Variants in SIRT5 observed in about 807,000 individuals in gnomAD.
SIRT5 encodes the protein NAD-dependent protein deacylase sirtuin-5, mitochondrial.
SIRT5 carries 26 observed loss-of-function variants against 40.0 expected under a neutral mutation model. The ratio of observed to expected loss-of-function variants is 0.65; its 90% CI spans 0.48 to 0.90. The LOEUF is 0.90. Among genes scored for constraint, SIRT5 ranks in the 40% least tolerant of loss-of-function variants. The probability of loss-of-function intolerance (pLI) is 0.00; values close to 1 mark genes in which losing one functional copy is unlikely to be tolerated. For missense variants in SIRT5, 401 were observed against 402.4 expected, an observed-to-expected ratio of 1.00 and a Z score of 0.03; for synonymous variants, 146 against 149.1, an observed-to-expected ratio of 0.98 and a Z score of 0.15.
intron 4 of SIRT5, among the ~76,000 whole-genome samples, chr6:13,589,841 G>A (rs943160151): frequency 3.3e-5 from 5 of 152,176 alleles, no homozygotes; most frequent in Non-Finnish European, 5.9e-5. Context: ...GCTTAGTTGC[G>A]TCCGAAAAGG....
rs1476350307 is a variant in SIRT5, at chr6:13,600,941, C to T, written c.849C>T (p.Asn283=). ...EFNTETTPAT[N]RFRFHFQGPC... ...ACACGGAGACCACCCCAGCTACGAA[C>T]AGATTCAGGTACTGGGATACCCTGA... Residue 283 remains asparagine (N), a synonymous_variant, in exon 9 of 10, where the codon AAC becomes AAT. Transcript: ENST00000606117. The T allele has an allele frequency of 6.2e-7, 1 of 1,613,452 alleles. No individual in the cohort carries two copies. Among genetic ancestry groups the T allele is most frequent in the Admixed American group, 1.7e-5 (1 of 59,996 alleles).
At chr6:13,589,445 C>T (rs78677739) in intron 4 of SIRT5, 2,600 of 152,314 alleles carry the variant, frequency 0.017, 68 homozygotes, top group African/African-American at 0.057. Flanking sequence ...TTGTTTTATT[C>T]GTTGCATTGT....
At chr6:13,581,930 C>T (rs954160567) in intron 2 of SIRT5, among the ~76,000 whole-genome samples, 1 of 152,208 alleles carries the variant, frequency 6.6e-6, no homozygotes, top group African/African-American at 2.4e-5. Context: ...CCACTCACAG[C>T]TCTAGCCTCT....
intron 4 of SIRT5, 111 bp downstream of exon 4, chr6:13,588,575 A>G: frequency 7.8e-7 from 1 of 1,287,874 alleles, no homozygotes; most frequent in Non-Finnish European, 1.0e-6. Context: ...TTTTTAAGTG[A>G]ACTGTGACCC....
intron 5 of SIRT5, 62 bp from the exon 6 acceptor site, chr6:13,595,415 A>G: frequency 1.6e-6 from 2 of 1,237,454 alleles, no homozygotes; most frequent in Non-Finnish European, 2.4e-6. Context: ...ACCCTTTTAG[A>G]CATGGAGAAG....
rs191291847 is a variant in SIRT5 at position 13,596,947 on chromosome 6, A to G, written c.564-16A>G. ...TGCCAATAACAATCTTTCTTTTCTA[A>G]TATTATTTACTTCAGTGCTCCAGAA... On this transcript the variant is annotated splice_polypyrimidine_tract_variant and intron_variant, in intron 6 of 9. Coordinates refer to ENST00000606117, the MANE Select transcript of SIRT5 (RefSeq NM_012241.5). 3.8e-6 allele frequency: 6 copies of G among 1,591,070 alleles called. No homozygotes were observed. The highest frequency in any genetic ancestry group is 2.7e-5 in the African/African-American group (2 of 73,772).
rs201543969 is a variant in SIRT5 at position 13,588,471 on chromosome 6, A to G, written c.249+7A>G. On this transcript the variant is annotated splice_region_variant and intron_variant, in intron 4 of 9. Transcript: ENST00000606117. Reference sequence around the variant, plus strand: ...GAGAAAATGGCAAGCCCAGGTTTGTAAAGTTTCCAGAACATTAAAAGCCTC... The same window carrying G: ...GAGAAAATGGCAAGCCCAGGTTTGTGAAGTTTCCAGAACATTAAAAGCCTC... The G allele has an allele frequency of 5.0e-6, 8 of 1,612,732 alleles. No individual in the cohort carries two copies. Among genetic ancestry groups the G allele is most frequent in the Middle Eastern group, 1.7e-4 (1 of 6,058 alleles).
intron 9 of SIRT5, among the ~76,000 whole-genome samples, chr6:13,609,676 C>T (rs1490387947): frequency 6.6e-6 from 1 of 152,158 alleles, no homozygotes; most frequent in Non-Finnish European, 1.5e-5. Flanking sequence ...TTTCAAATAG[C>T]AATGTTTCCA....
intron 3 of SIRT5, among the ~76,000 whole-genome samples, chr6:13,587,657 C>T (rs997534953): frequency 1.3e-5 from 2 of 152,190 alleles, no homozygotes; most frequent in African/African-American, 2.4e-5. Context: ...TGGTCTGTGT[C>T]CACAATTACT....
In SIRT5 at chr6:13,607,313, G is replaced by GTT. The variant is rs932205862; in HGVS notation, c.858-4466_858-4465dup. ...AACTTCTGGTTTTTGATATTTGTCT[G>GTT]TTTTTTTTTTTTCTTTTAAAGGAGA... On this transcript the variant is annotated intron_variant, in intron 9 of 9. Transcript: ENST00000606117. This position sits in a 1 kb window ranked among gnomAD's most constrained non-coding sequence, Gnocchi z 4.0. Among the ~76,000 whole-genome samples the GTT allele has an allele frequency of 1.4e-5, 2 of 144,030 alleles. No homozygotes were observed. Among genetic ancestry groups the GTT allele is most frequent in the African/African-American group, 2.5e-5 (1 of 39,432 alleles). 94.5% of individuals were successfully genotyped at this position (144,030 alleles called of 152,430 possible).
chr6:13,609,342 A>G (rs955122903), intron 9 of SIRT5, among the ~76,000 whole-genome samples: 4 of 152,212 alleles, frequency 2.6e-5, no homozygotes, highest in Admixed American at 6.5e-5. Flanking sequence ...GTGTTTCCCA[A>G]TAAGGGAAAG....
intron 1 of SIRT5, among the ~76,000 whole-genome samples, chr6:13,578,390 G>C (rs1399664659): frequency 1.3e-5 from 2 of 151,972 alleles, no homozygotes; most frequent in Non-Finnish European, 2.9e-5. Flanking sequence ...GGAGGCCGAG[G>C]CAGGCGGATC....
chr6:13,596,214 T>G (rs1761551664), intron 6 of SIRT5, among the ~76,000 whole-genome samples: 1 of 152,166 alleles, frequency 6.6e-6, no homozygotes, highest in African/African-American at 2.4e-5. Context: ...AATTTCTTCT[T>G]TATATCTTTC....
chr6:13,576,017 T>C (rs527828801), intron 1 of SIRT5, among the ~76,000 whole-genome samples: 1 of 152,238 alleles, frequency 6.6e-6, no homozygotes, highest in Non-Finnish European at 1.5e-5. Flanking sequence ...TAGTATTCCA[T>C]TGTATATATG....
At chr6:13,605,656 T>C (rs1763008645) in intron 9 of SIRT5, 2 of 985,328 alleles carry the variant, frequency 2.0e-6, no homozygotes, top group Admixed American at 6.1e-5. Context: ...GTTTTGTCGT[T>C]TTCCCCATGT....
intron 2 of SIRT5, among the ~76,000 whole-genome samples, chr6:13,580,009 G>A (rs1759125919): frequency 6.6e-6 from 1 of 152,174 alleles, no homozygotes; most frequent in East Asian, 1.9e-4. Flanking sequence ...ATCAAGCACT[G>A]GAGTGATATT....
At chr6:13,586,981 G>A (rs1760166854) in intron 3 of SIRT5, among the ~76,000 whole-genome samples, 1 of 152,176 alleles carries the variant, frequency 6.6e-6, no homozygotes, top group African/African-American at 2.4e-5. Flanking sequence ...CCATCTGTCA[G>A]GGGAGGGTTA....
intron 5 of SIRT5, 146 bp downstream of exon 5, chr6:13,592,040 T>C: frequency 1.2e-6 from 1 of 817,866 alleles, no homozygotes; most frequent in East Asian, 2.8e-5. Context: ...TTTGGGGACA[T>C]GTTAGTGTCC....
chr6:13,584,276 A>C, intron 3 of SIRT5, 51 bp downstream of exon 3: 2 of 1,277,106 alleles, frequency 1.6e-6, no homozygotes, highest in Non-Finnish European at 1.1e-6. Flanking sequence ...GAAGTACCTG[A>C]AAGTCCTACA....
Sources: allele counts gnomAD v4.1 joint callset (sites outside exome capture counted in the v4.1 genomes callset), GRCh38; gene constraint gnomAD v4.1.1; non-coding constraint Gnocchi (gnomAD v3.1); transcripts MANE v1.5; gene names NCBI Gene and HGNC (gene_info 2026-07-23, HGNC 2026-07-21).